Variants in ANKRD28 observed in about 807,000 individuals in gnomAD.
ANKRD28 encodes the protein ankyrin repeat domain 28.
A neutral mutation model predicts 126.5 loss-of-function variants in ANKRD28; 44 were observed. That is an observed-to-expected ratio of 0.35 (90% CI 0.27 to 0.45). The LOEUF (loss-of-function observed/expected upper bound fraction) is 0.45. ANKRD28 is among the 20% of genes least tolerant of loss of function. The pLI is 1.00. For synonymous variants in ANKRD28, 442 were observed against 468.5 expected (o/e 0.94, Z 0.73); for missense variants, 1,110 against 1,316.6 (o/e 0.84, Z 2.43).
chr3:15,678,482 C>A, intron 23 of ANKRD28, 128 bp from the exon 24 acceptor site: 1 of 771,178 alleles, frequency 1.3e-6, no homozygotes. Flanking sequence ...ACTGCCTGTA[C>A]ACAAACAAAT....
intron 1 of ANKRD28, among the ~76,000 whole-genome samples, chr3:15,820,720 C>A (rs2060925700): frequency 6.6e-6 from 1 of 152,026 alleles, no homozygotes; most frequent in African/African-American, 2.4e-5. Context: ...TCATTAATGT[C>A]TTTTCCGCAT....
intron 1 of ANKRD28, among the ~76,000 whole-genome samples, 171 bp from the exon 2 acceptor site, chr3:15,795,477 T>C (rs1388500584): frequency 1.3e-5 from 2 of 151,902 alleles, no homozygotes; most frequent in African/African-American, 4.8e-5. Context: ...GATTCCTACT[T>C]GGAAAAAAAA....
At chr3:15,748,447 T>C (rs1347048097) in intron 4 of ANKRD28, among the ~76,000 whole-genome samples, 1 of 152,228 alleles carries the variant, frequency 6.6e-6, no homozygotes, top group Non-Finnish European at 1.5e-5. Flanking sequence ...CCTTCATTCA[T>C]GAAGCTTAGT....
intron 1 of ANKRD28, among the ~76,000 whole-genome samples, chr3:15,848,602 G>C (rs542051759): frequency 6.6e-6 from 1 of 152,138 alleles, no homozygotes; most frequent in East Asian, 1.9e-4. Context: ...TTGAGCCCAG[G>C]AGGTCTAGGC....
Position 15,695,058 on chromosome 3 carries a change from T to C in ANKRD28, c.1686+130A>G, listed in dbSNP as rs1575191883. ...ATCTTCCTTTCCTCTGTACACATGA[T>C]TTCTGTCACCGTCTTTGTGCCTAAT... On this transcript the variant is annotated intron_variant, in intron 16 of 27. Transcript: ENST00000683139. The C allele has an allele frequency of 4.9e-6, 4 of 818,014 alleles. No homozygotes were observed. The East Asian group carries it at 8.0e-5, about 16-fold the overall frequency. The allele number at this position is 818,014 out of a possible 1,614,324, so 50.7% of individuals were successfully genotyped here.
intron 6 of ANKRD28, among the ~76,000 whole-genome samples, chr3:15,730,185 C>A (rs2074478722): frequency 6.6e-6 from 1 of 152,138 alleles, no homozygotes; most frequent in South Asian, 2.1e-4. Flanking sequence ...TCAGTACCTT[C>A]TGTGTCAAAG....
At chr3:15,686,450 AAAG>A in intron 18 of ANKRD28, 141 bp from the exon 19 acceptor site, 2 of 690,650 alleles carry the variant, frequency 2.9e-6, no homozygotes, top group African/African-American at 1.8e-5. Context: ...CTATAGGTAA[AAAG>A]AAGGTTTCTA....
Position 15,724,449 on chromosome 3 carries a change from G to T in ANKRD28, c.716C>A (p.Pro239His), listed in dbSNP as rs1316220741. The change falls in exon 7 of 28, where the codon CCT (proline) becomes CAT (histidine). Residue 239 changes from proline (P) to histidine (H), a missense_variant. Pro to His is a moderately conservative substitution (Grantham distance 77). Transcript: ENST00000683139. ...TCCACTAGAGGCTGCTGCATGAAGA[G>T]GTGTATAAGACTTTTTATCCTTGCA... Reference protein sequence around the residue: ...VTCKDKKSYTPLHAAASSGMI... With the variant: ...VTCKDKKSYTHLHAAASSGMI... 6.2e-7 allele frequency: 1 copy of T among 1,602,042 alleles called. No homozygotes were observed. The highest frequency in any genetic ancestry group is 1.7e-5 in the Admixed American group (1 of 58,514).
chr3:15,709,624 T>C (rs2071952943), intron 13 of ANKRD28, 44 bp downstream of exon 13: 1 of 1,348,524 alleles, frequency 7.4e-7, no homozygotes, highest in African/African-American at 1.5e-5. Context: ...AATCAAGTTA[T>C]TAAGTAAAAA....
intron 2 of ANKRD28, among the ~76,000 whole-genome samples, 192 bp downstream of exon 2, chr3:15,795,031 A>G (rs187460432): frequency 6.6e-6 from 1 of 152,254 alleles, no homozygotes; most frequent in Admixed American, 6.5e-5. Flanking sequence ...TGGGAGAACA[A>G]AAGACCCCTA....
chr3:15,680,004 A>C (rs2067369865), intron 21 of ANKRD28, among the ~76,000 whole-genome samples: 1 of 152,160 alleles, frequency 6.6e-6, no homozygotes, highest in African/African-American at 2.4e-5. Flanking sequence ...TGCAAATACT[A>C]TCCCATTTTC....
Position 15,678,262 on chromosome 3 carries a change from G to T in ANKRD28, c.2654C>A (p.Thr885Lys). 6.2e-7 allele frequency: 1 copy of T among 1,612,952 alleles called. No homozygotes were observed. Among genetic ancestry groups the T allele is most frequent in the Non-Finnish European group, 8.5e-7 (1 of 1,179,658 alleles). Residue 885 changes from threonine to lysine, a missense_variant, in exon 24 of 28, where the codon ACA (threonine) becomes AAA (lysine). Thr to Lys is a moderately conservative substitution (Grantham distance 78). Transcript: ENST00000683139. ...AGCCATCATAAGAGGTGTTTTCCCTGTAGAGTCCACAGAATTGACTTGAGC... is the reference window on the plus strand; with the variant it reads ...AGCCATCATAAGAGGTGTTTTCCCTTTAGAGTCCACAGAATTGACTTGAGC... ...HNAQVNSVDS[T>K]GKTPLMMAAE... is the part of the protein sequence containing the mutation.
chr3:15,857,290 T>G (rs181651632), intron 1 of ANKRD28, among the ~76,000 whole-genome samples: 1 of 152,298 alleles, frequency 6.6e-6, no homozygotes, highest in Non-Finnish European at 1.5e-5. Flanking sequence ...GTGACATTTA[T>G]TTATTTATTT....
At position 15,721,028 on chromosome 3, in the gene ANKRD28, C is replaced by A. The variant is rs1397837864; in HGVS notation, c.883G>T (p.Val295Leu). 6 of 1,613,742 alleles carry A rather than the reference C, an allele frequency of 3.7e-6. No homozygotes were observed. Among genetic ancestry groups the A allele is most frequent in the East Asian group, 2.2e-5 (1 of 44,880 alleles). Residue 295 changes from valine to leucine, a missense_variant, in exon 8 of 28, where the codon GTG (valine) becomes TTG (leucine). Transcript: ENST00000683139. The part of the protein sequence containing the change: ...VNELIDCGAI[V>L]NQKNEKGFTP... ...AATCCTTTTTCATTCTTTTGATTCA[C>A]AATAGCACCACAGTCTATAAGTTCA... is the stretch of plus-strand genomic sequence containing the variant.
chr3:15,735,411 C>T lies in ANKRD28; in HGVS notation c.639G>A (p.Met213Ile). ...DRRAIHWAAY[M>I]GHIEVVKLLV... Reference sequence around the variant, plus strand: ...AAACTAAATTTAAAAAGTACATACCCATATATGCTGCCCAATGGATAGCAC... The same window carrying T: ...AAACTAAATTTAAAAAGTACATACCTATATATGCTGCCCAATGGATAGCAC... The change falls in exon 6 of 28, where the codon ATG becomes ATA. Residue 213 changes from methionine to isoleucine, a missense_variant and splice_region_variant. Met to Ile is a conservative substitution (Grantham distance 10). Transcript: ENST00000683139. The T allele has an allele frequency of 1.3e-6, 2 of 1,552,238 alleles. No individual in the cohort carries two copies. Among genetic ancestry groups the T allele is most frequent in the Admixed American group, 1.9e-5 (1 of 51,460 alleles).
chr3:15,772,744 TG>T (rs1420656843), intron 2 of ANKRD28, among the ~76,000 whole-genome samples: 1 of 152,214 alleles, frequency 6.6e-6, no homozygotes, highest in Non-Finnish European at 1.5e-5. Flanking sequence ...TAGCGTGCAG[TG>T]GCGCGATCTC....
At position 15,716,124 on chromosome 3, in the gene ANKRD28, A is replaced by C. The variant is rs192126524; in HGVS notation, c.997-1468T>G. Among the ~76,000 whole-genome samples the C allele has an allele frequency of 3.1e-3, 471 of 151,514 alleles. 4 individuals are homozygous for C. Among genetic ancestry groups the C allele is most frequent in the African/African-American group, 9.9e-3 (410 of 41,278 alleles). On this transcript the variant is annotated intron_variant, in intron 8 of 27. Coordinates refer to ENST00000683139, the MANE Select transcript of ANKRD28 (RefSeq NM_001349278.2). Reference sequence around the variant, plus strand: ...CAGCCTCCTGAGTAGCTGGGATTACAGGCATGCACCACCATGCCCAGCTAA... The same window carrying C: ...CAGCCTCCTGAGTAGCTGGGATTACCGGCATGCACCACCATGCCCAGCTAA...
At chr3:15,728,011 AAG>A (rs2074306391) in intron 6 of ANKRD28, among the ~76,000 whole-genome samples, 1 of 152,226 alleles carries the variant, frequency 6.6e-6, no homozygotes, top group South Asian at 2.1e-4. Context: ...TTGTGAAGGG[AAG>A]AGTCCATCGA....
At chr3:15,725,066 C>T (rs1263656305) in intron 6 of ANKRD28, among the ~76,000 whole-genome samples, 1 of 152,082 alleles carries the variant, frequency 6.6e-6, no homozygotes, top group Non-Finnish European at 1.5e-5. Context: ...AGAATGTTGG[C>T]CCTCTGTATA....
Sources: gnomAD v4.1 joint callset for allele counts (sites outside exome capture counted in the v4.1 genomes callset) on GRCh38, gnomAD v4.1.1 for gene constraint, MANE v1.5 for transcripts, NCBI Gene and HGNC (gene_info 2026-07-23, HGNC 2026-07-21) for gene names.